Variants in TDRD9 observed in about 807,000 individuals in gnomAD.
TDRD9 encodes the protein tudor domain containing 9.
Under a neutral mutation model 172.6 loss-of-function variants are expected in TDRD9, and 124 were observed. The ratio of observed to expected loss-of-function variants is 0.72; its 90% CI spans 0.62 to 0.83. The LOEUF is 0.83. Among genes scored for constraint, TDRD9 ranks in the 40% least tolerant of loss-of-function variants. The probability of loss-of-function intolerance (pLI) is 0.00; values close to 1 mark genes in which losing one functional copy is unlikely to be tolerated. For missense variants in TDRD9, 1,479 were observed against 1,714.1 expected, an observed-to-expected ratio of 0.86 and a Z score of 2.42; for synonymous variants, 619 against 617.1, an observed-to-expected ratio of 1.00 and a Z score of -0.05.
At chr14:103,979,904 C>A (rs181660295) in intron 7 of TDRD9, among the ~76,000 whole-genome samples, 63 of 147,412 alleles carry the variant, frequency 4.3e-4, no homozygotes, top group African/African-American at 1.5e-3. Flanking sequence ...GAGATTGGGT[C>A]TTGCTCTGTT....
At position 103,928,515 on chromosome 14, in the gene TDRD9, G is replaced by A. The variant is rs1186864569; in HGVS notation, c.6G>A (p.Leu2=). The A allele has an allele frequency of 7.0e-7, 1 of 1,426,522 alleles. No homozygotes were observed. The highest frequency in any genetic ancestry group is 1.5e-5 in the African/African-American group (1 of 66,252). The allele number at this position is 1,426,522 out of a possible 1,614,324, so 88.4% of individuals were successfully genotyped here. Residue 2 remains leucine, a synonymous_variant, in exon 1 of 36, where the codon CTG becomes CTA. Coordinates refer to ENST00000409874, the MANE Select transcript of TDRD9 (RefSeq NM_153046.3). M[L]RKLTIEQIND... is the part of the protein sequence containing the mutation. The stretch of plus-strand genomic sequence containing the variant: ...CCGACGCCTGGGCCTTGAGGATGCT[G>A]CGGAAGCTCACCATCGAGCAGATCA...
chr14:104,042,698 C>G (rs1229755295), intron 34 of TDRD9, among the ~76,000 whole-genome samples: 1 of 152,158 alleles, frequency 6.6e-6, no homozygotes, highest in East Asian at 1.9e-4. Flanking sequence ...CCGGGAAGGC[C>G]AAGAAGAGTG....
At chr14:104,012,733 A>G (rs1463637892) in intron 20 of TDRD9, among the ~76,000 whole-genome samples, 1 of 151,926 alleles carries the variant, frequency 6.6e-6, no homozygotes, top group African/African-American at 2.4e-5. Context: ...CTCTCTGACT[A>G]AAGAGTTTAT....
Position 103,953,282 on chromosome 14 carries a change from C to T in TDRD9, c.216-2382C>T, listed in dbSNP as rs563331771. Among the ~76,000 whole-genome samples the T allele has an allele frequency of 5.3e-5, 8 of 152,276 alleles. No homozygotes were observed. In the South Asian group the frequency reaches 1.5e-3, roughly 28 times the overall value. On this transcript the variant is annotated intron_variant, in intron 1 of 35. Transcript: ENST00000409874. ...TCCATTTCTCATCATCCTCTTCCCGCCCCCTCCTGTGGGAGCCACCCAGGC... is the reference window on the plus strand; with the variant it reads ...TCCATTTCTCATCATCCTCTTCCCGTCCCCTCCTGTGGGAGCCACCCAGGC...
At chr14:103,973,036 AAG>A (rs539933311) in intron 6 of TDRD9, among the ~76,000 whole-genome samples, 5 of 151,940 alleles carry the variant, frequency 3.3e-5, no homozygotes, top group Non-Finnish European at 7.3e-5. Flanking sequence ...CAATGGTAAA[AAG>A]AGTTAGACAA....
chr14:104,014,885 G>A (rs756369815), intron 21 of TDRD9, 44 bp downstream of exon 21: 1 of 1,176,488 alleles, frequency 8.5e-7, no homozygotes, highest in Admixed American at 1.8e-5. Context: ...GATTCTTTCT[G>A]CTTACAAGGT....
chr14:104,014,832 C>T lies in TDRD9; in HGVS notation c.2214C>T (p.Phe738=). The stretch of plus-strand genomic sequence containing the variant: ...AAGAGTATATATATAAGCAGCGATT[C>T]ATCCTACAGGTGTGCTGAAGTTTCC... ...MDQEYIYKQR[F]ILQVVLAGAF... The change falls in exon 21 of 36, where the codon TTC becomes TTT. Residue 738 remains phenylalanine, a synonymous_variant. Transcript: ENST00000409874. The T allele has an allele frequency of 1.3e-6, 2 of 1,592,184 alleles. No homozygotes were observed. The highest frequency in any genetic ancestry group is 1.7e-6 in the Non-Finnish European group (2 of 1,163,648).
intron 34 of TDRD9, among the ~76,000 whole-genome samples, chr14:104,048,618 C>T (rs1180668585): frequency 1.3e-5 from 2 of 152,106 alleles, no homozygotes; most frequent in Non-Finnish European, 2.9e-5. Flanking sequence ...TCCCTGGCCT[C>T]TATTTTTCTC....
At chr14:104,045,995 C>T (rs1186901410) in intron 34 of TDRD9, among the ~76,000 whole-genome samples, 1 of 152,142 alleles carries the variant, frequency 6.6e-6, no homozygotes, top group African/African-American at 2.4e-5. Context: ...CTTGCTCTGT[C>T]GCCCAGGCTG....
At chr14:103,976,110 A>G (rs1312264495) in intron 7 of TDRD9, among the ~76,000 whole-genome samples, 2 of 151,994 alleles carry the variant, frequency 1.3e-5, no homozygotes, top group Non-Finnish European at 1.5e-5. Context: ...TTAGCGTCCA[A>G]ATTTGAATGA....
intron 1 of TDRD9, among the ~76,000 whole-genome samples, chr14:103,932,861 AT>A (rs899301920): frequency 1.3e-4 from 20 of 150,416 alleles, no homozygotes; most frequent in Admixed American, 4.0e-4. Flanking sequence ...AACATGGGCA[AT>A]TTTTTTTTTA....
chr14:104,029,521 T>G (rs1366748977), intron 28 of TDRD9, among the ~76,000 whole-genome samples: 2 of 152,208 alleles, frequency 1.3e-5, no homozygotes, highest in Non-Finnish European at 2.9e-5. Flanking sequence ...TATACTGATT[T>G]CTGTATCCTG....
intron 7 of TDRD9, among the ~76,000 whole-genome samples, chr14:103,984,316 C>T (rs893740605): frequency 6.6e-6 from 1 of 152,238 alleles, no homozygotes; most frequent in African/African-American, 2.4e-5. Flanking sequence ...GTCTTCACGG[C>T]AGCCCCTCAC....
rs11848974 is a variant in TDRD9 at position 104,041,988 on chromosome 14, T to C, written c.3856-81T>C. Reference sequence around the variant, plus strand: ...TACTGATGACAGAGAATACTAACTCTGAATGCTATGAATTCTCTAACGGGA... The same window carrying C: ...TACTGATGACAGAGAATACTAACTCCGAATGCTATGAATTCTCTAACGGGA... On this transcript the variant is annotated intron_variant, in intron 33 of 35. Transcript: ENST00000409874. 868 of 958,518 alleles carry C rather than the reference T, an allele frequency of 9.1e-4. 7 individuals carry two copies. In the African/African-American group the frequency reaches 0.012, roughly 13 times the overall value. 59.4% of individuals were successfully genotyped at this position (958,518 alleles called of 1,614,324 possible).
chr14:103,997,804 G>A lies in TDRD9; in HGVS notation c.1379-820G>A, dbSNP rs905940725. On this transcript the variant is annotated intron_variant, in intron 12 of 35. Transcript: ENST00000409874. This position sits in a 1 kb window ranked among gnomAD's most constrained non-coding sequence, Gnocchi z 5.1. ...GAGGAGTGCATCAGATGCCCATGGC[G>A]GGTCAAGGAGGACCTCCCAACGGGG... Among the ~76,000 whole-genome samples the A allele has an allele frequency of 2.6e-5, 4 of 152,166 alleles. No homozygotes were observed. The highest frequency in any genetic ancestry group is 4.4e-5 in the Non-Finnish European group (3 of 68,024).
intron 13 of TDRD9, 63 bp downstream of exon 13, chr14:103,998,791 CTT>C (rs369179781): frequency 0.012 from 7,239 of 615,198 alleles, no homozygotes; most frequent in Middle Eastern, 0.015. Flanking sequence ...CATTCAGGTG[CTT>C]TTTTTTTTTT....
chr14:104,017,943 C>G (rs1244430650), intron 22 of TDRD9, 149 bp from the exon 23 acceptor site: 11 of 542,764 alleles, frequency 2.0e-5, no homozygotes, highest in Non-Finnish European at 2.9e-5. Flanking sequence ...TTTAAATGCA[C>G]TGATCTGTAG....
intron 7 of TDRD9, among the ~76,000 whole-genome samples, chr14:103,977,354 G>A (rs1055114650): frequency 6.6e-6 from 1 of 151,850 alleles, no homozygotes; most frequent in African/African-American, 2.4e-5. Context: ...TTAGCCGGGC[G>A]TGGCGGCAGG....
At chr14:104,050,274 C>T (rs748108335) in intron 35 of TDRD9, among the ~76,000 whole-genome samples, 5 of 152,102 alleles carry the variant, frequency 3.3e-5, no homozygotes, top group Admixed American at 2.6e-4. Context: ...TCCTTGGGGT[C>T]CCACCCTTGT....
Sources: allele counts gnomAD v4.1 joint callset (sites outside exome capture counted in the v4.1 genomes callset), GRCh38; gene constraint gnomAD v4.1.1; non-coding constraint Gnocchi (gnomAD v3.1); transcripts MANE v1.5; gene names NCBI Gene and HGNC (gene_info 2026-07-23, HGNC 2026-07-21).